Variants in NRG2 observed in about 807,000 individuals in gnomAD.
The protein encoded by NRG2 is pro-neuregulin-2, membrane-bound isoform.
NRG2 carries 27 observed loss-of-function variants against 73.9 expected under a neutral mutation model. That is an observed-to-expected ratio of 0.37 (90% CI 0.27 to 0.50). The LOEUF (loss-of-function observed/expected upper bound fraction) is 0.50, where lower values mean the gene tolerates loss of function less well. Among genes scored for constraint, NRG2 ranks in the 20% least tolerant of loss-of-function variants. The pLI, the probability that NRG2 is intolerant of heterozygous loss-of-function variation, is 0.96. For missense variants in NRG2, 1,126 were observed against 1,210.1 expected (o/e 0.93, Z 1.03); for synonymous variants, 532 against 541.0 (o/e 0.98, Z 0.23).
intron 1 of NRG2, among the ~76,000 whole-genome samples, chr5:139,924,177 C>G (rs1395557123): frequency 1.3e-5 from 2 of 152,196 alleles, no homozygotes; most frequent in Non-Finnish European, 2.9e-5. Flanking sequence ...CTTTGAGGGG[C>G]CCATGATCCT....
At chr5:139,877,135 T>G (rs1011331261) in intron 3 of NRG2, among the ~76,000 whole-genome samples, 6 of 152,202 alleles carry the variant, frequency 3.9e-5, no homozygotes, top group Non-Finnish European at 8.8e-5. Context: ...CCCTTTCACC[T>G]GGGATGAGAC....
intron 1 of NRG2, among the ~76,000 whole-genome samples, chr5:139,907,424 G>C (rs533790258): frequency 6.6e-6 from 1 of 152,296 alleles, no homozygotes; most frequent in African/African-American, 2.4e-5. Flanking sequence ...AAGCCCCTTT[G>C]GGATTGTGAC....
chr5:140,031,805 A>T (rs1434640669), intron 1 of NRG2, among the ~76,000 whole-genome samples: 1 of 152,156 alleles, frequency 6.6e-6, no homozygotes, highest in East Asian at 1.9e-4. Context: ...ACTCAGACTT[A>T]AGGATGCTGA....
At chr5:139,907,299 G>T (rs994806667) in intron 1 of NRG2, among the ~76,000 whole-genome samples, 2 of 152,160 alleles carry the variant, frequency 1.3e-5, no homozygotes, top group Non-Finnish European at 1.5e-5. Flanking sequence ...GGTATGTGAG[G>T]GGTGGGAGAG....
At position 139,870,522 on chromosome 5, in the gene NRG2, G is replaced by A. The variant is rs1396943127; in HGVS notation, c.1112+1199C>T. ...AGGAAGGGGGCTGTGGATCTAGAGC[G>A]GGAGATCAGAGGCAGGGGAGCTGAG... On this transcript the variant is annotated intron_variant, in intron 4 of 9. Transcript: ENST00000361474. The surrounding 1 kb of genome is among the most constrained non-coding windows in gnomAD (Gnocchi z 4.4). Among the ~76,000 whole-genome samples the A allele has an allele frequency of 1.3e-5, 2 of 152,170 alleles. No homozygotes were observed. The highest frequency in any genetic ancestry group is 4.8e-5 in the African/African-American group (2 of 41,438).
intron 1 of NRG2, among the ~76,000 whole-genome samples, chr5:140,022,235 C>G (rs1760295441): frequency 3.3e-5 from 5 of 152,180 alleles, no homozygotes; most frequent in Admixed American, 3.3e-4. Context: ...GAATGACCTG[C>G]CCCTACTACC....
intron 1 of NRG2, among the ~76,000 whole-genome samples, chr5:139,988,651 T>C (rs1757353645): frequency 2.0e-5 from 3 of 152,030 alleles, no homozygotes; most frequent in Admixed American, 6.6e-5. Flanking sequence ...GAAGGATGAA[T>C]AGATGGAGCA....
At chr5:140,032,886 C>A (rs534723816) in intron 1 of NRG2, among the ~76,000 whole-genome samples, 1 of 152,266 alleles carries the variant, frequency 6.6e-6, no homozygotes, top group East Asian at 1.9e-4. Flanking sequence ...AAATATATTA[C>A]TTTCTGTGTT....
At chr5:139,995,147 C>T (rs781405462) in intron 1 of NRG2, among the ~76,000 whole-genome samples, 5 of 152,158 alleles carry the variant, frequency 3.3e-5, no homozygotes, top group Non-Finnish European at 7.4e-5. Flanking sequence ...GCACCCAAAC[C>T]TTCTAAAGTG....
At chr5:139,893,508 G>T (rs1041509369) in intron 1 of NRG2, among the ~76,000 whole-genome samples, 2 of 152,300 alleles carry the variant, frequency 1.3e-5, no homozygotes, top group African/African-American at 4.8e-5. Flanking sequence ...TGCACCCATG[G>T]CCATTACTGA....
chr5:140,028,843 G>A (rs1356289356), intron 1 of NRG2, among the ~76,000 whole-genome samples: 2 of 152,076 alleles, frequency 1.3e-5, no homozygotes, highest in African/African-American at 4.8e-5. Flanking sequence ...TGTGACTTCT[G>A]AAGCTAGACC....
intron 4 of NRG2, among the ~76,000 whole-genome samples, chr5:139,867,624 A>C (rs1290094355): frequency 6.6e-6 from 1 of 152,222 alleles, no homozygotes; most frequent in Non-Finnish European, 1.5e-5. Context: ...ATTTTCAAAC[A>C]TAAGTGCCTT....
At position 139,861,106 on chromosome 5, in the gene NRG2, C is replaced by A. The variant is rs541901529; in HGVS notation, c.1189+4443G>T. Among the ~76,000 whole-genome samples the A allele has an allele frequency of 3.9e-5, 6 of 152,346 alleles. No individual in the cohort carries two copies. The South Asian group carries it at 1.2e-3, about 32-fold the overall frequency. On this transcript the variant is annotated intron_variant, in intron 5 of 9. Coordinates refer to ENST00000361474, the MANE Select transcript of NRG2 (RefSeq NM_004883.3). ...AATTCACTATGTGGATGTGGGTAAG[C>A]CATAATCCCTGTTTCCTTGTCTGTC...
intron 1 of NRG2, among the ~76,000 whole-genome samples, chr5:139,996,106 T>A (rs1486064635): frequency 6.6e-6 from 1 of 152,226 alleles, no homozygotes; most frequent in Non-Finnish European, 1.5e-5. Flanking sequence ...GAAGGTTATT[T>A]TATTTACAAG....
At chr5:139,857,005 G>A (rs547770799) in intron 5 of NRG2, among the ~76,000 whole-genome samples, 1 of 152,296 alleles carries the variant, frequency 6.6e-6, no homozygotes, top group African/African-American at 2.4e-5. Context: ...AGTTCAGCCA[G>A]GCATGTGTCT....
intron 1 of NRG2, among the ~76,000 whole-genome samples, chr5:140,013,219 T>G (rs1759507590): frequency 6.6e-6 from 1 of 152,204 alleles, no homozygotes; most frequent in African/African-American, 2.4e-5. Flanking sequence ...CTCCTGTTAC[T>G]GTAGATGAAT....
Position 139,929,124 on chromosome 5 carries a change from A to G in NRG2, c.701-41613T>C, listed in dbSNP as rs137869361. 9.2e-5 allele frequency among the ~76,000 whole-genome samples: 14 copies of G among 152,264 alleles called. No homozygotes were observed. The East Asian group carries it at 2.7e-3, about 29-fold the overall frequency. On this transcript the variant is annotated intron_variant, in intron 1 of 9. Transcript: ENST00000361474. ...CTTCTGAGCTCTTGGTCAACTCTCAAAGAGTGTCCAGCCCCATGGCCTGCC... is the reference window on the plus strand; with the variant it reads ...CTTCTGAGCTCTTGGTCAACTCTCAGAGAGTGTCCAGCCCCATGGCCTGCC...
chr5:140,043,259 C>A lies in NRG2; in HGVS notation c.-190G>T, dbSNP rs987299356. On this transcript the variant is annotated 5_prime_UTR_variant, in exon 1 of 10. Coordinates refer to ENST00000361474, the MANE Select transcript of NRG2 (RefSeq NM_004883.3). The surrounding 1 kb of genome is among the most constrained non-coding windows in gnomAD (Gnocchi z 6.7). ...GGCCGCGATGCGCAGCGCGGCGCAG[C>A]GCAGCGCTCCCACCCTGTGCGCCAG... 4 of 600,144 alleles carry A rather than the reference C, an allele frequency of 6.7e-6. No individual in the cohort carries two copies. The highest frequency in any genetic ancestry group is 1.1e-5 in the Non-Finnish European group (4 of 351,814). The allele number at this position is 600,144 out of a possible 1,614,324, so 37.2% of individuals were successfully genotyped here.
Position 139,856,626 on chromosome 5 carries a change from A to G in NRG2, c.1190-848T>C, listed in dbSNP as rs73791208. Among the ~76,000 whole-genome samples the G allele has an allele frequency of 0.035, 5,322 of 152,280 alleles. 327 individuals carry two copies. Among genetic ancestry groups the G allele is most frequent in the African/African-American group, 0.12 (5,019 of 41,536 alleles). On this transcript the variant is annotated intron_variant, in intron 5 of 9. Transcript: ENST00000361474. This position sits in a 1 kb window ranked among gnomAD's most constrained non-coding sequence, Gnocchi z 4.2. ...AGGGTAAAGTGGAGGCTGGACCTCA[A>G]TGCCTTGGCAGAGCCCTGGGAAATG...
Sources: gnomAD v4.1 joint callset for allele counts (sites outside exome capture counted in the v4.1 genomes callset) on GRCh38, gnomAD v4.1.1 for gene constraint, Gnocchi (gnomAD v3.1) non-coding constraint, MANE v1.5 for transcripts, NCBI Gene and HGNC (gene_info 2026-07-23, HGNC 2026-07-21) for gene names.